Variants in FGF14 observed in about 807,000 individuals in gnomAD.
The protein encoded by FGF14 is fibroblast growth factor 14, also known as fibroblast growth factor homologous factor 4.
A neutral mutation model predicts 25.5 loss-of-function variants in FGF14; 5 were observed. The ratio of observed to expected loss-of-function variants is 0.20; its 90% confidence interval spans 0.10 to 0.41. The LOEUF (loss-of-function observed/expected upper bound fraction) is 0.41. Ranked by LOEUF, FGF14 falls within the 10% of genes least tolerant of loss-of-function variation. The probability of loss-of-function intolerance (pLI) is 1.00; values close to 1 mark genes in which losing one functional copy is unlikely to be tolerated. For missense variants in FGF14, 222 were observed against 320.1 expected (o/e 0.69, Z 2.34); for synonymous variants, 138 against 118.3 (o/e 1.17, Z -1.08).
intron 1 of FGF14, among the ~76,000 whole-genome samples, chr13:102,357,466 A>G (rs2057451732): frequency 6.6e-6 from 1 of 152,176 alleles, no homozygotes; most frequent in Non-Finnish European, 1.5e-5. Flanking sequence ...ATATTTTAAT[A>G]TTTATTTGTT....
At chr13:102,088,989 G>A (rs2140236296) in intron 1 of FGF14, among the ~76,000 whole-genome samples, 1 of 152,238 alleles carries the variant, frequency 6.6e-6, no homozygotes, top group South Asian at 2.1e-4. Context: ...TTGTGCTTCT[G>A]TAAAAGGAAA....
intron 1 of FGF14, among the ~76,000 whole-genome samples, chr13:102,386,832 C>T (rs773791539): frequency 3.3e-5 from 5 of 152,132 alleles, no homozygotes; most frequent in African/African-American, 7.2e-5. Flanking sequence ...AAATTCAAAC[C>T]GTTTATTTAA....
At chr13:102,052,208 A>G (rs1049620167) in intron 1 of FGF14, among the ~76,000 whole-genome samples, 1 of 152,120 alleles carries the variant, frequency 6.6e-6, no homozygotes, top group East Asian at 1.9e-4. Context: ...ATATAATCAG[A>G]AAAGAAAAAC....
rs571598839 is a variant in FGF14 at position 101,802,743 on chromosome 13, T to C, written c.408+65982A>G. Among the ~76,000 whole-genome samples, 8 of 152,372 alleles carry C rather than the reference T, an allele frequency of 5.3e-5. No homozygotes were observed. In the South Asian group the frequency reaches 1.7e-3, roughly 32 times the overall value. On this transcript the variant is annotated intron_variant, in intron 3 of 4. Transcript: ENST00000376143. ...CACACTGTGCACTTTGCTGTTTGCA[T>C]GATAAGGCATTTAAAAGATGTTTCT...
intron 1 of FGF14, among the ~76,000 whole-genome samples, chr13:102,048,173 A>G (rs2042072886): frequency 6.6e-6 from 1 of 152,164 alleles, no homozygotes; most frequent in African/African-American, 2.4e-5. Context: ...AAGCTGTTTA[A>G]TGATGTGGTA....
chr13:102,262,161 C>T (rs866338498), intron 1 of FGF14, among the ~76,000 whole-genome samples: 3 of 152,068 alleles, frequency 2.0e-5, no homozygotes, highest in Non-Finnish European at 4.4e-5. Flanking sequence ...AATACTTGTA[C>T]ATTTTTACTC....
intron 4 of FGF14, among the ~76,000 whole-genome samples, chr13:101,725,843 A>G (rs1234880160): frequency 6.6e-6 from 1 of 152,086 alleles, no homozygotes; most frequent in Non-Finnish European, 1.5e-5. Flanking sequence ...CATAGATAAA[A>G]GTAAATGACA....
intron 1 of FGF14, among the ~76,000 whole-genome samples, chr13:101,927,656 C>T (rs904848583): frequency 2.6e-5 from 4 of 152,160 alleles, no homozygotes; most frequent in Non-Finnish European, 4.4e-5. Flanking sequence ...TTTCCAGGAC[C>T]GGGAGTTGCC....
intron 3 of FGF14, among the ~76,000 whole-genome samples, chr13:101,769,294 A>C (rs1226331326): frequency 1.3e-5 from 2 of 152,076 alleles, no homozygotes. Context: ...AAACTTACAC[A>C]ATCAAATACT....
chr13:101,941,138 C>T (rs1187003815), intron 1 of FGF14, among the ~76,000 whole-genome samples: 1 of 152,212 alleles, frequency 6.6e-6, no homozygotes, highest in Non-Finnish European at 1.5e-5. Flanking sequence ...TAGGACCTTA[C>T]AGCTCCAAAT....
intron 1 of FGF14, among the ~76,000 whole-genome samples, chr13:101,945,795 G>A (rs997824647): frequency 2.0e-5 from 3 of 152,190 alleles, no homozygotes; most frequent in Non-Finnish European, 2.9e-5. Flanking sequence ...TTTTCAACAC[G>A]GGGAGGAAAT....
At chr13:102,167,312 C>CAAAAAAAA (rs10689114) in intron 1 of FGF14, among the ~76,000 whole-genome samples, 2 of 72,748 alleles carry the variant, frequency 2.7e-5, no homozygotes, top group African/African-American at 5.3e-5. Flanking sequence ...CACTCCATCT[C>CAAAAAAAA]AAAAAAAAAA....
chr13:101,738,861 C>CCA (rs999745188), intron 3 of FGF14, among the ~76,000 whole-genome samples: 103 of 143,684 alleles, frequency 7.2e-4, no homozygotes, highest in African/African-American at 1.5e-3. Context: ...ATATATATAC[C>CCA]CACACACACA....
intron 3 of FGF14, among the ~76,000 whole-genome samples, chr13:101,759,704 T>A (rs1377213212): frequency 6.6e-6 from 1 of 152,148 alleles, no homozygotes; most frequent in Non-Finnish European, 1.5e-5. Context: ...AGCTGTAAAA[T>A]TAAGAGGGAG....
chr13:101,807,085 A>C (rs1423307966), intron 3 of FGF14, among the ~76,000 whole-genome samples: 1 of 152,190 alleles, frequency 6.6e-6, no homozygotes, highest in Non-Finnish European at 1.5e-5. Flanking sequence ...TGCAAGAAAG[A>C]AAACAAGAAT....
chr13:102,014,861 A>G (rs1431644437), intron 1 of FGF14, among the ~76,000 whole-genome samples: 1 of 152,190 alleles, frequency 6.6e-6, no homozygotes, highest in Non-Finnish European at 1.5e-5. Flanking sequence ...ATGTGTGTAA[A>G]ATATGGTTGA....
At chr13:102,148,043 C>A (rs2046925709) in intron 1 of FGF14, among the ~76,000 whole-genome samples, 1 of 152,056 alleles carries the variant, frequency 6.6e-6, no homozygotes, top group African/African-American at 2.4e-5. Context: ...TTTAATAAAT[C>A]TGAATTAAAA....
Position 102,138,098 on chromosome 13 carries a change from C to T in FGF14, c.209-262802G>A, listed in dbSNP as rs543490147. On this transcript the variant is annotated intron_variant, in intron 1 of 4. Transcript: ENST00000376131. The stretch of plus-strand genomic sequence containing the variant: ...CCTCCTGTGTCACCATGTTTTATCT[C>T]GGGACTCATCCTTTTCATTGATTGG... Among the ~76,000 whole-genome samples the T allele has an allele frequency of 2.6e-5, 4 of 151,266 alleles. No individual in the cohort carries two copies. The South Asian group carries it at 8.4e-4, about 32-fold the overall frequency.
chr13:102,230,904 T>C (rs1271120137), intron 1 of FGF14, among the ~76,000 whole-genome samples: 1 of 152,144 alleles, frequency 6.6e-6, no homozygotes, highest in Non-Finnish European at 1.5e-5. Context: ...TTCAAACTAA[T>C]TGGGGGAGAA....
Sources: gnomAD v4.1 joint callset for allele counts (sites outside exome capture counted in the v4.1 genomes callset) on GRCh38, gnomAD v4.1.1 for gene constraint, MANE v1.5 for transcripts, NCBI Gene and HGNC (gene_info 2026-07-23, HGNC 2026-07-21) for gene names.